The following SRPK2 variants were observed in gnomAD, a reference collection of about 807,000 sequenced individuals.
SRPK2 encodes SFRS protein kinase 2.
In SRPK2, 21 loss-of-function variants were observed where a neutral mutation model predicts 90.8. That is an observed-to-expected ratio of 0.23 (90% CI 0.16 to 0.33). The LOEUF is 0.33. Among genes scored for constraint, SRPK2 ranks in the 10% least tolerant of loss-of-function variants. SRPK2 has a pLI of 1.00. For missense variants in SRPK2, 620 were observed against 869.0 expected (o/e 0.71, Z 3.60); for synonymous variants, 288 against 311.1 (o/e 0.93, Z 0.78).
At chr7:105,171,815 A>G (rs1285216230) in intron 3 of SRPK2, among the ~76,000 whole-genome samples, 2 of 152,252 alleles carry the variant, frequency 1.3e-5, no homozygotes, top group Non-Finnish European at 2.9e-5. Context: ...GCAAATTATT[A>G]AATGGCTTAC....
In SRPK2 at chr7:105,146,685, G is replaced by A. The variant is rs747137411; in HGVS notation, c.622-27C>T. ...TGGATATAGTAAAATCAAGAGAGAA[G>A]ATAAGCTATTAATATCTCATTATAT... On this transcript the variant is annotated intron_variant, in intron 7 of 15. Transcript: ENST00000393651. 2.5e-6 allele frequency: 4 copies of A among 1,607,220 alleles called. No homozygotes were observed. The South Asian group carries it at 4.4e-5, about 18-fold the overall frequency.
At chr7:105,304,351 A>T (rs1471497110) in intron 2 of SRPK2, 1 of 152,250 alleles carries the variant, frequency 6.6e-6, no homozygotes, top group Non-Finnish European at 1.5e-5. Context: ...TGATTCTAAC[A>T]TCAAAGGATA....
At chr7:105,333,408 G>A (rs796701000) in intron 2 of SRPK2, among the ~76,000 whole-genome samples, 3 of 152,298 alleles carry the variant, frequency 2.0e-5, no homozygotes, top group African/African-American at 7.2e-5. Context: ...CTTATCTGAA[G>A]TGACAAATTT....
chr7:105,125,689 C>A (rs888702163), intron 15 of SRPK2: 23 of 451,552 alleles, frequency 5.1e-5, no homozygotes, highest in Non-Finnish European at 8.3e-5. Context: ...TTGTGAAACT[C>A]CAGATCTTTC....
At chr7:105,295,657 T>C (rs1329396855) in intron 2 of SRPK2, among the ~76,000 whole-genome samples, 1 of 152,212 alleles carries the variant, frequency 6.6e-6, no homozygotes, top group Non-Finnish European at 1.5e-5. Context: ...GTACAGAGTT[T>C]CTGTTTGAAA....
At chr7:105,374,801 G>T (rs1049982137) in intron 2 of SRPK2, among the ~76,000 whole-genome samples, 2 of 152,066 alleles carry the variant, frequency 1.3e-5, no homozygotes, top group Non-Finnish European at 2.9e-5. Context: ...TAGAGACAGG[G>T]TTGCACCATA....
At chr7:105,250,361 A>AACAAACAAACAT (rs981890671) in intron 2 of SRPK2, among the ~76,000 whole-genome samples, 1 of 148,250 alleles carries the variant, frequency 6.7e-6, no homozygotes, top group African/African-American at 2.6e-5. Context: ...CAAACAAACA[A>AACAAACAAACAT]ACAAACATAC....
intron 13 of SRPK2, among the ~76,000 whole-genome samples, chr7:105,128,211 G>A (rs1801482684): frequency 1.3e-5 from 2 of 152,146 alleles, no homozygotes; most frequent in African/African-American, 4.8e-5. Context: ...AAGGAAGGAA[G>A]GATGGTGACA....
At chr7:105,246,751 G>T (rs968328473) in intron 2 of SRPK2, among the ~76,000 whole-genome samples, 2 of 152,106 alleles carry the variant, frequency 1.3e-5, no homozygotes, top group Non-Finnish European at 2.9e-5. Context: ...GCCAAATACT[G>T]AAGTATTGGA....
chr7:105,183,574 C>T (rs928816691), intron 3 of SRPK2, among the ~76,000 whole-genome samples: 1 of 152,158 alleles, frequency 6.6e-6, no homozygotes, highest in East Asian at 1.9e-4. Flanking sequence ...GCAATCTCCA[C>T]CTCCTAGGTT....
chr7:105,246,562 A>G (rs1383775224), intron 2 of SRPK2, among the ~76,000 whole-genome samples: 1 of 152,202 alleles, frequency 6.6e-6, no homozygotes, highest in Non-Finnish European at 1.5e-5. Context: ...ATCATTTTCA[A>G]AGAGAATGCA....
In SRPK2 at chr7:105,387,504, TTTTTTC is replaced by T. The variant is rs1246264697; in HGVS notation, c.71+1138_71+1143del. Among the ~76,000 whole-genome samples the T allele has an allele frequency of 2.2e-5, 3 of 136,304 alleles. No individual in the cohort carries two copies. The East Asian group carries it at 9.9e-4, about 45-fold the overall frequency. The allele number at this position is 136,304 out of a possible 152,430, so 89.4% of individuals were successfully genotyped here. A position where few individuals can be genotyped will look rare whatever the true frequency, so the allele number is the denominator to read the frequency against. ...AAGTGCTTTCCCCTTACTCTAATGGTTTTTTCTTTTTTTTTTTTTTTTAAGGTATTT... is the reference window on the plus strand; with the variant it reads ...AAGTGCTTTCCCCTTACTCTAATGGTTTTTTTTTTTTTTTTTAAGGTATTT... On this transcript the variant is annotated intron_variant, in intron 2 of 15. Transcript: ENST00000393651.
intron 2 of SRPK2, among the ~76,000 whole-genome samples, chr7:105,336,582 C>T (rs554995052): frequency 1.3e-5 from 2 of 152,184 alleles, no homozygotes; most frequent in East Asian, 1.9e-4. Flanking sequence ...TGTTGTTATA[C>T]GTCTTAAGTA....
At chr7:105,300,001 T>C (rs11772993) in intron 2 of SRPK2, among the ~76,000 whole-genome samples, 3,647 of 152,110 alleles carry the variant, frequency 0.024, 63 homozygotes, top group Non-Finnish European at 0.032. Context: ...TTAAATATAA[T>C]AAATATTTAA....
At position 105,142,012 on chromosome 7, in the gene SRPK2, T is replaced by C. The variant is rs1261655671; in HGVS notation, c.1539A>G (p.Pro513=). 1 of 1,602,054 alleles carries C rather than the reference T, an allele frequency of 6.2e-7. No individual in the cohort carries two copies. The highest frequency in any genetic ancestry group is 2.2e-5 in the East Asian group (1 of 44,686). The change falls in exon 11 of 16, where the codon CCA becomes CCG. Residue 513 remains proline, a synonymous_variant. Transcript: ENST00000393651. ...TTGATGGGAAGAAACACTTACCTTTTGGCAAATCCCCAGTACTGGAGGCTG... is the reference window on the plus strand; with the variant it reads ...TTGATGGGAAGAAACACTTACCTTTCGGCAAATCCCCAGTACTGGAGGCTG... ...TVSASSTGDL[P]KAKTRAADLL...
At chr7:105,284,742 A>G (rs1028311690) in intron 2 of SRPK2, among the ~76,000 whole-genome samples, 2 of 152,178 alleles carry the variant, frequency 1.3e-5, no homozygotes, top group Non-Finnish European at 2.9e-5. Context: ...CCTTATTTCT[A>G]CAAAAATATC....
chr7:105,227,572 G>T (rs2129618425), intron 2 of SRPK2, among the ~76,000 whole-genome samples: 1 of 152,220 alleles, frequency 6.6e-6, no homozygotes, highest in South Asian at 2.1e-4. Context: ...GTAAAAGGAT[G>T]CTAACAAGTG....
At chr7:105,145,134 A>C (rs945851100) in intron 9 of SRPK2, 149 bp downstream of exon 9, 1 of 456,366 alleles carries the variant, frequency 2.2e-6, no homozygotes, top group Non-Finnish European at 3.6e-6. Context: ...AAAATTAACA[A>C]GACATTAAGT....
At chr7:105,160,402 G>A in intron 7 of SRPK2, 105 bp downstream of exon 7, 1 of 634,348 alleles carries the variant, frequency 1.6e-6, no homozygotes, top group African/African-American at 1.8e-5. Context: ...TATACATTAT[G>A]CACTGATACA....
Sources: gnomAD v4.1 joint callset for allele counts (sites outside exome capture counted in the v4.1 genomes callset) on GRCh38, gnomAD v4.1.1 for gene constraint, MANE v1.5 for transcripts, NCBI Gene and HGNC (gene_info 2026-07-23, HGNC 2026-07-21) for gene names.